LCMT1: variants seen among roughly 807,000 people sequenced by gnomAD.
LCMT1 encodes leucine carboxyl methyltransferase 1, also known as [Phosphatase 2A protein]-leucine-carboxy methyltransferase 1.
Under a neutral mutation model 47.7 loss-of-function variants are expected in LCMT1, and 32 were observed. That is an observed-to-expected ratio of 0.67 (90% CI 0.51 to 0.90). The LOEUF is 0.90. Among genes scored for constraint, LCMT1 ranks in the 40% least tolerant of loss-of-function variants. LCMT1 has a pLI of 0.00. For synonymous variants in LCMT1, 152 were observed against 149.7 expected (o/e 1.02, Z -0.11); for missense variants, 375 against 415.2 (o/e 0.90, Z 0.84).
intron 1 of LCMT1, chr16:25,125,838 GTAATAA>G (rs55788453): frequency 0.015 from 2,384 of 154,678 alleles, 37 homozygotes; most frequent in African/African-American, 0.023. Context: ...ATCTCTAATA[GTAATAA>G]TAATAATAAT....
chr16:25,140,859 C>CT (rs1000771196), intron 4 of LCMT1: 2 of 152,478 alleles, frequency 1.3e-5, no homozygotes, highest in South Asian at 2.1e-4. Flanking sequence ...GTTCCTAGAA[C>CT]TTTAAGTAGA....
rs528080447 is a variant in LCMT1, at chr16:25,151,599, G to A, written c.450G>A (p.Glu150=). ...LSSPILELHS[E]DTLQMDGHIL... is the part of the protein sequence containing the mutation. ...GCCCCATTCTAGAACTGCATTCAGA[G>A]GACACACTTCAGATGGGCAAGTATC... Residue 150 remains glutamate, a synonymous_variant, in exon 5 of 11, where the codon GAG becomes GAA. Transcript: ENST00000399069. The A allele has an allele frequency of 8.7e-6, 14 of 1,613,382 alleles. No individual in the cohort carries two copies. The East Asian group carries it at 2.9e-4, about 33-fold the overall frequency.
intron 9 of LCMT1, among the ~76,000 whole-genome samples, chr16:25,174,060 C>T (rs1452413757): frequency 6.6e-6 from 1 of 152,078 alleles, no homozygotes; most frequent in Non-Finnish European, 1.5e-5. Flanking sequence ...TACAGGTGGG[C>T]ACCACCATGC....
At chr16:25,123,414 G>A (rs1201949529) in intron 1 of LCMT1, among the ~76,000 whole-genome samples, 1 of 150,264 alleles carries the variant, frequency 6.7e-6, no homozygotes, top group Non-Finnish European at 1.5e-5. Flanking sequence ...TAGTAGAGAT[G>A]GAGTTTCGCC....
chr16:25,138,382 G>T (rs1309048569), intron 3 of LCMT1, among the ~76,000 whole-genome samples: 1 of 152,164 alleles, frequency 6.6e-6, no homozygotes, highest in Non-Finnish European at 1.5e-5. Flanking sequence ...CATCAGCAGG[G>T]CTGAAGTACT....
chr16:25,164,772 C>T (rs1961537528), intron 7 of LCMT1, 54 bp downstream of exon 7: 1 of 1,611,878 alleles, frequency 6.2e-7, no homozygotes, highest in Admixed American at 1.7e-5. Context: ...GTGGTGGCTT[C>T]CCTCTCCCAG....
At chr16:25,150,081 T>C (rs1961026837) in intron 4 of LCMT1, among the ~76,000 whole-genome samples, 1 of 152,138 alleles carries the variant, frequency 6.6e-6, no homozygotes, top group Non-Finnish European at 1.5e-5. Context: ...GAGTTGCAGA[T>C]GACAGGTTTG....
At position 25,153,639 on chromosome 16, in the gene LCMT1, A is replaced by G. The variant is rs535576650; in HGVS notation, c.466+2024A>G. 3.9e-5 allele frequency among the ~76,000 whole-genome samples: 6 copies of G among 152,312 alleles called. No homozygotes were observed. In the East Asian group the frequency reaches 1.2e-3, roughly 29 times the overall value. ...AAACCATAACACCCTAACACTGGGT[A>G]TATTGTGATTTAAAAAATTTTCTAC... On this transcript the variant is annotated intron_variant, in intron 5 of 10. Coordinates refer to ENST00000399069, the MANE Select transcript of LCMT1 (RefSeq NM_016309.3).
At chr16:25,136,959 C>T (rs891229737) in intron 3 of LCMT1, among the ~76,000 whole-genome samples, 7 of 152,206 alleles carry the variant, frequency 4.6e-5, no homozygotes, top group African/African-American at 9.7e-5. Context: ...GAAGAAGTCC[C>T]ATAAGAGCTG....
chr16:25,175,055 T>C (rs775613824), intron 10 of LCMT1, 21 bp downstream of exon 10: 1 of 1,353,790 alleles, frequency 7.4e-7, no homozygotes, highest in Non-Finnish European at 1.0e-6. Context: ...GTACTTTTCT[T>C]GCCTTGACCT....
intron 6 of LCMT1, among the ~76,000 whole-genome samples, chr16:25,162,557 G>C (rs901731311): frequency 6.8e-6 from 1 of 147,616 alleles, no homozygotes; most frequent in Non-Finnish European, 1.5e-5. Flanking sequence ...ACATCGAACT[G>C]TAGCCTGGAC....
intron 6 of LCMT1, among the ~76,000 whole-genome samples, chr16:25,164,039 C>G (rs754867147): frequency 1.3e-5 from 2 of 152,138 alleles, no homozygotes; most frequent in Non-Finnish European, 2.9e-5. Flanking sequence ...GTCTGGCTGG[C>G]TGTCAGTTGG....
chr16:25,162,370 C>A (rs1319566235), intron 6 of LCMT1, among the ~76,000 whole-genome samples: 3 of 151,850 alleles, frequency 2.0e-5, no homozygotes, highest in African/African-American at 7.3e-5. Context: ...GGGCAGATCA[C>A]CTGAGGTCAG....
At chr16:25,122,959 T>G (rs1597561475) in intron 1 of LCMT1, among the ~76,000 whole-genome samples, 2 of 152,258 alleles carry the variant, frequency 1.3e-5, no homozygotes, top group Admixed American at 1.3e-4. Context: ...TTCAGAAGTT[T>G]TAAATCTTTG....
chr16:25,121,621 CTT>C (rs1378729900), intron 1 of LCMT1, among the ~76,000 whole-genome samples: 3 of 152,076 alleles, frequency 2.0e-5, no homozygotes, highest in African/African-American at 4.8e-5. Context: ...CCTCAGGAAA[CTT>C]AGTCATGGCG....
chr16:25,128,792 G>A (rs1035816086), intron 2 of LCMT1, among the ~76,000 whole-genome samples: 5 of 150,394 alleles, frequency 3.3e-5, no homozygotes, highest in Non-Finnish European at 7.4e-5. Context: ...GCCATTCTTA[G>A]CAAACTAACA....
chr16:25,111,999 G>T lies in LCMT1; in HGVS notation c.113+3G>T, dbSNP rs747406977. The T allele has an allele frequency of 6.2e-6, 10 of 1,608,340 alleles. No homozygotes were observed. The highest frequency in any genetic ancestry group is 8.5e-6 in the Non-Finnish European group (10 of 1,175,728). ...GAAGATGCTTCCCTGTGCAAGAGGT[G>T]CCTGTCGGGCGCGGGGTTCGGGGCC... is the stretch of plus-strand genomic sequence containing the variant. On this transcript the variant is annotated splice_donor_region_variant and intron_variant, in intron 1 of 10. Transcript: ENST00000399069.
intron 3 of LCMT1, 47 bp downstream of exon 3, chr16:25,132,570 T>C (rs537035417): frequency 5.6e-6 from 9 of 1,594,026 alleles, no homozygotes; most frequent in African/African-American, 4.0e-5. Context: ...TAGATTTTTT[T>C]CGTTAGATTT....
chr16:25,161,064 A>G (rs745649799), intron 5 of LCMT1, 38 bp from the exon 6 acceptor site: 8 of 1,252,886 alleles, frequency 6.4e-6, no homozygotes, highest in Non-Finnish European at 9.1e-6. Flanking sequence ...TGGAAAAGAC[A>G]TATTCATTAA....
Sources: allele counts gnomAD v4.1 joint callset (sites outside exome capture counted in the v4.1 genomes callset), GRCh38; gene constraint gnomAD v4.1.1; transcripts MANE v1.5; gene names NCBI Gene and HGNC (gene_info 2026-07-23, HGNC 2026-07-21).